Variants in TSHR observed in about 807,000 individuals in gnomAD.
TSHR encodes the protein thyrotropin receptor.
A neutral mutation model predicts 64.1 loss-of-function variants in TSHR; 51 were observed. The observed-to-expected ratio is 0.80, with a 90% CI of 0.64 to 1.01. TSHR has a LOEUF of 1.01. Among genes scored for constraint, TSHR ranks in the 50% least tolerant of loss-of-function variants. TSHR has a pLI of 0.00. For synonymous variants in TSHR, 361 were observed against 361.9 expected (o/e 1.00, Z 0.03); for missense variants, 877 against 942.8 (o/e 0.93, Z 0.91).
chr14:81,077,124 A>G (rs947359675), intron 3 of TSHR, among the ~76,000 whole-genome samples: 1 of 152,152 alleles, frequency 6.6e-6, no homozygotes, highest in East Asian at 1.9e-4. Context: ...CCACTTCTGC[A>G]TCTAAGTTAG....
intron 3 of TSHR, among the ~76,000 whole-genome samples, chr14:81,083,257 A>G (rs1888041164): frequency 6.6e-6 from 1 of 152,058 alleles, no homozygotes; most frequent in Non-Finnish European, 1.5e-5. Context: ...TTAGGGGAAG[A>G]AAAAAAACCC....
chr14:81,020,357 A>G (rs981015948), intron 1 of TSHR, among the ~76,000 whole-genome samples: 5 of 152,208 alleles, frequency 3.3e-5, no homozygotes, highest in Non-Finnish European at 4.4e-5. Context: ...AGTGAGTGGC[A>G]GGTGAGTGAG....
At chr14:81,042,199 A>G (rs1055260965) in intron 1 of TSHR, among the ~76,000 whole-genome samples, 7 of 152,218 alleles carry the variant, frequency 4.6e-5, no homozygotes, top group African/African-American at 1.7e-4. Context: ...TTGGTGGTAA[A>G]TTAGGACAGC....
At chr14:80,987,681 T>A (rs941898036) in intron 1 of TSHR, among the ~76,000 whole-genome samples, 2 of 152,164 alleles carry the variant, frequency 1.3e-5, no homozygotes, top group South Asian at 2.1e-4. Flanking sequence ...CCTTGTTGCT[T>A]GATGTTGCTA....
At chr14:81,016,035 C>T (rs1461029435) in intron 1 of TSHR, among the ~76,000 whole-genome samples, 1 of 151,572 alleles carries the variant, frequency 6.6e-6, no homozygotes, top group Non-Finnish European at 1.5e-5. Context: ...TAGATGGACA[C>T]TTTGGCTGAT....
intron 1 of TSHR, among the ~76,000 whole-genome samples, chr14:81,059,474 G>A (rs1323132717): frequency 6.6e-6 from 1 of 152,104 alleles, no homozygotes; most frequent in Non-Finnish European, 1.5e-5. Flanking sequence ...CAAAATGTAT[G>A]AACTGTTAAA....
In TSHR at chr14:81,145,190, A is replaced by C. The variant is rs958065331; in HGVS notation, c.*837A>C. 16 of 233,008 alleles carry C rather than the reference A, an allele frequency of 6.9e-5. No individual in the cohort carries two copies. The highest frequency in any genetic ancestry group is 1.2e-4 in the Non-Finnish European group (14 of 117,972). The allele number at this position is 233,008 out of a possible 1,614,324, so 14.4% of individuals were successfully genotyped here. On this transcript the variant is annotated 3_prime_UTR_variant, in exon 10 of 10. Transcript: ENST00000298171. Reference sequence around the variant, plus strand: ...TGATTAATAAAACAGGCTGGACACTAATTAACTATGGGACTTAAATCTGTA... The same window carrying C: ...TGATTAATAAAACAGGCTGGACACTCATTAACTATGGGACTTAAATCTGTA...
rs1038269261 is a variant in TSHR at position 81,103,764 on chromosome 14, T to C, written c.615-4611T>C. The C allele has an allele frequency of 2.0e-6, 2 of 985,376 alleles. No homozygotes were observed. Among genetic ancestry groups the C allele is most frequent in the Non-Finnish European group, 2.4e-6 (2 of 829,948 alleles). The allele number at this position is 985,376 out of a possible 1,614,324, so 61.0% of individuals were successfully genotyped here. A position where few individuals can be genotyped will look rare whatever the true frequency, so the allele number is the denominator to read the frequency against. On this transcript the variant is annotated intron_variant, in intron 7 of 9. Transcript: ENST00000298171. The surrounding 1 kb of genome is among the most constrained non-coding windows in gnomAD (Gnocchi z 4.1). The stretch of plus-strand genomic sequence containing the variant: ...TGTTTGGAATTTCTTTTCCATCCTC[T>C]TTCCACGCAATCTGCGTGGGGATAT...
chr14:81,038,269 A>T (rs927659618), intron 1 of TSHR, among the ~76,000 whole-genome samples: 68 of 152,108 alleles, frequency 4.5e-4, no homozygotes, highest in African/African-American at 1.6e-3. Flanking sequence ...ATGAAAATTT[A>T]AAATTTCTTG....
intron 1 of TSHR, among the ~76,000 whole-genome samples, chr14:81,037,070 G>C (rs553738455): frequency 2.0e-5 from 3 of 151,976 alleles, no homozygotes; most frequent in Admixed American, 2.0e-4. Flanking sequence ...TTGAACCCGG[G>C]AGACGAGGTT....
At chr14:81,043,370 C>T (rs1012254514) in intron 1 of TSHR, among the ~76,000 whole-genome samples, 19 of 152,186 alleles carry the variant, frequency 1.2e-4, no homozygotes, top group Non-Finnish European at 2.6e-4. Flanking sequence ...CCTAAGAATA[C>T]AGCTAACCAG....
chr14:81,008,742 C>T (rs573232547), intron 1 of TSHR, among the ~76,000 whole-genome samples: 13 of 152,156 alleles, frequency 8.5e-5, no homozygotes, highest in Admixed American at 1.3e-4. Flanking sequence ...TTGAAACATA[C>T]TCTCCTTAAG....
At chr14:80,984,708 C>T (rs12101255) in intron 1 of TSHR, among the ~76,000 whole-genome samples, 57,232 of 152,040 alleles carry the variant, frequency 0.38, 11,242 homozygotes, top group East Asian at 0.62. Flanking sequence ...ATGTGTCCAT[C>T]AGACATTTGA....
At chr14:81,003,242 T>G (rs1889435152) in intron 1 of TSHR, 1 of 152,168 alleles carries the variant, frequency 6.6e-6, no homozygotes, top group Non-Finnish European at 1.5e-5. Flanking sequence ...AAGGTTGACC[T>G]CCCCAGGTGT....
At chr14:81,125,538 C>T (rs985261806) in intron 8 of TSHR, among the ~76,000 whole-genome samples, 1 of 152,048 alleles carries the variant, frequency 6.6e-6, no homozygotes, top group Non-Finnish European at 1.5e-5. Flanking sequence ...CTAATCTGCA[C>T]CTCCTGGCAA....
At chr14:81,006,948 T>C (rs1331562148) in intron 1 of TSHR, among the ~76,000 whole-genome samples, 2 of 152,210 alleles carry the variant, frequency 1.3e-5, no homozygotes, top group Admixed American at 1.3e-4. Flanking sequence ...TAAACAAATA[T>C]TGATACATTA....
chr14:81,128,677 C>G (rs1891114345), intron 8 of TSHR, among the ~76,000 whole-genome samples: 1 of 152,146 alleles, frequency 6.6e-6, no homozygotes, highest in African/African-American at 2.4e-5. Context: ...CTGAATAGGA[C>G]ACATGGCATG....
chr14:81,075,455 T>C (rs551573616), intron 3 of TSHR, among the ~76,000 whole-genome samples: 3 of 152,352 alleles, frequency 2.0e-5, no homozygotes, highest in African/African-American at 4.8e-5. Context: ...ATAAATACAG[T>C]ATGTTTAACA....
At chr14:80,979,710 C>T (rs888905483) in intron 1 of TSHR, among the ~76,000 whole-genome samples, 1 of 152,132 alleles carries the variant, frequency 6.6e-6, no homozygotes, top group African/African-American at 2.4e-5. Flanking sequence ...AAAACAGACA[C>T]ATAGGATTAT....
Sources: gnomAD v4.1 joint callset for allele counts (sites outside exome capture counted in the v4.1 genomes callset) on GRCh38, gnomAD v4.1.1 for gene constraint, Gnocchi (gnomAD v3.1) non-coding constraint, MANE v1.5 for transcripts, NCBI Gene and HGNC (gene_info 2026-07-23, HGNC 2026-07-21) for gene names.